The following INO80 variants were observed in gnomAD, a reference collection of about 807,000 sequenced individuals.
The protein encoded by INO80 is INO80 complex ATPase subunit.
INO80 carries 20 observed loss-of-function variants against 203.4 expected under a neutral mutation model. The observed-to-expected ratio is 0.10, with a 90% confidence interval of 0.07 to 0.14. The LOEUF is 0.14. Among genes scored for constraint, INO80 ranks in the 10% least tolerant of loss-of-function variants. The pLI is 1.00. For missense variants in INO80, 1,419 were observed against 1,914.4 expected (o/e 0.74, Z 4.83); for synonymous variants, 726 against 685.2 (o/e 1.06, Z -0.93).
At chr15:40,994,671 T>C (rs1024398436) in intron 29 of INO80, among the ~76,000 whole-genome samples, 1 of 151,998 alleles carries the variant, frequency 6.6e-6, no homozygotes, top group Non-Finnish European at 1.5e-5. Flanking sequence ...GGCCCCATAT[T>C]ATCAGTATTT....
At chr15:41,018,527 T>A (rs569654271) in intron 26 of INO80, 1 of 152,352 alleles carries the variant, frequency 6.6e-6, no homozygotes, top group Non-Finnish European at 1.5e-5. Flanking sequence ...GTGGATGGAC[T>A]GGACTTCTTT....
intron 21 of INO80, among the ~76,000 whole-genome samples, chr15:41,048,880 T>A (rs534542767): frequency 5.3e-5 from 8 of 152,358 alleles, no homozygotes; most frequent in African/African-American, 1.9e-4. Context: ...CTTCAAACTT[T>A]ACTAAATTTA....
At chr15:41,067,848 T>G (rs1408646098) in intron 14 of INO80, among the ~76,000 whole-genome samples, 2 of 152,236 alleles carry the variant, frequency 1.3e-5, no homozygotes, top group African/African-American at 2.4e-5. Context: ...CATTATCATA[T>G]TCCTTTAGGG....
At chr15:41,030,913 G>T (rs367785890) in intron 24 of INO80, among the ~76,000 whole-genome samples, 1 of 150,030 alleles carries the variant, frequency 6.7e-6, no homozygotes, top group Non-Finnish European at 1.5e-5. Flanking sequence ...CTCATGATCC[G>T]TCCACCTTGG....
At chr15:41,002,281 G>C (rs1158836516) in intron 28 of INO80, among the ~76,000 whole-genome samples, 2 of 152,180 alleles carry the variant, frequency 1.3e-5, no homozygotes, top group African/African-American at 4.8e-5. Flanking sequence ...TTTTTACTAA[G>C]TAGAGCCAAG....
At chr15:41,031,536 G>A (rs1256381746) in intron 24 of INO80, among the ~76,000 whole-genome samples, 1 of 25,998 alleles carries the variant, frequency 3.8e-5, no homozygotes, top group Non-Finnish European at 1.0e-4. Context: ...AAGGAGAAGG[G>A]AGGAAGGGAG....
chr15:41,087,687 A>G lies in INO80; in HGVS notation c.538-5T>C. The G allele has an allele frequency of 6.2e-7, 1 of 1,609,624 alleles. No individual in the cohort carries two copies. The highest frequency in any genetic ancestry group is 8.5e-7 in the Non-Finnish European group (1 of 1,178,470). ...GTAGTACTGATATTGCTGCAACTGA[A>G]GCAGGCAAAGACCATGATGGGCCTG... On this transcript the variant is annotated splice_polypyrimidine_tract_variant and splice_region_variant and intron_variant, in intron 5 of 35. Transcript: ENST00000648947.
intron 35 of INO80, among the ~76,000 whole-genome samples, 185 bp from the exon 36 acceptor site, chr15:40,980,625 G>C (rs923726851): frequency 2.0e-5 from 3 of 152,178 alleles, no homozygotes; most frequent in Non-Finnish European, 4.4e-5. Context: ...TTTTCAGTAA[G>C]AGGAATAGAT....
chr15:41,025,705 G>T (rs143091625), intron 25 of INO80, among the ~76,000 whole-genome samples: 1 of 151,714 alleles, frequency 6.6e-6, no homozygotes, highest in Non-Finnish European at 1.5e-5. Context: ...AGAGAGCAAG[G>T]CTCCATCTCA....
chr15:40,989,009 C>T (rs1250313745), intron 29 of INO80, among the ~76,000 whole-genome samples: 7 of 57,070 alleles, frequency 1.2e-4, no homozygotes, highest in African/African-American at 2.7e-4. Context: ...AGTGAGCCTC[C>T]GTCTCAAAAA....
At chr15:40,987,565 TCAGTCTCCACATGAACAA>T (rs1384923567) in intron 30 of INO80, among the ~76,000 whole-genome samples, 1 of 152,176 alleles carries the variant, frequency 6.6e-6, no homozygotes, top group Non-Finnish European at 1.5e-5. Context: ...ATTACCGGTG[TCAGTCTCCACATGAACAA>T]CAGCTGGATC....
chr15:41,085,649 C>A, intron 6 of INO80, 66 bp from the exon 7 acceptor site: 1 of 1,254,550 alleles, frequency 8.0e-7, no homozygotes. Context: ...AACCTCATGA[C>A]TTAAAACATG....
At chr15:41,081,247 T>TTA (rs1189305344) in intron 7 of INO80, among the ~76,000 whole-genome samples, 174 bp from the exon 8 acceptor site, 1 of 152,154 alleles carries the variant, frequency 6.6e-6, no homozygotes, top group Admixed American at 6.5e-5. Context: ...CATAAAACGA[T>TTA]TAAAGAAGCA....
At chr15:41,038,514 A>G (rs60036819) in intron 24 of INO80, among the ~76,000 whole-genome samples, 9,961 of 152,188 alleles carry the variant, frequency 0.065, 955 homozygotes, top group African/African-American at 0.21. Flanking sequence ...TGTACTCACA[A>G]TCAAAGAGTT....
chr15:41,096,494 T>C (rs1357559296), intron 1 of INO80, 141 bp from the exon 2 acceptor site: 1 of 492,462 alleles, frequency 2.0e-6, no homozygotes, highest in African/African-American at 2.0e-5. Context: ...AGAAAGATCA[T>C]GATAAAGCTC....
At chr15:41,084,367 C>A (rs2045528974) in intron 7 of INO80, among the ~76,000 whole-genome samples, 1 of 152,018 alleles carries the variant, frequency 6.6e-6, no homozygotes, top group Admixed American at 6.6e-5. Context: ...CGAGACCAGC[C>A]TGGCCAACAT....
At chr15:41,051,386 T>G (rs2044868190) in intron 19 of INO80, among the ~76,000 whole-genome samples, 1 of 151,716 alleles carries the variant, frequency 6.6e-6, no homozygotes, top group Non-Finnish European at 1.5e-5. Context: ...TTTAATGCCT[T>G]CTCTAACTTT....
At chr15:41,114,308 G>A (rs542452667) in intron 1 of INO80, among the ~76,000 whole-genome samples, 5 of 151,628 alleles carry the variant, frequency 3.3e-5, no homozygotes, top group African/African-American at 1.2e-4. Flanking sequence ...AAGTCTAGAA[G>A]GTATGCAACT....
chr15:41,058,152 C>G (rs1041542116), intron 16 of INO80, among the ~76,000 whole-genome samples: 3 of 152,052 alleles, frequency 2.0e-5, no homozygotes, highest in African/African-American at 7.2e-5. Context: ...AAAATAATAC[C>G]TTAAAGCAAG....
Sources: allele counts gnomAD v4.1 joint callset (sites outside exome capture counted in the v4.1 genomes callset), GRCh38; gene constraint gnomAD v4.1.1; transcripts MANE v1.5; gene names NCBI Gene and HGNC (gene_info 2026-07-23, HGNC 2026-07-21).